COP1: variants seen among roughly 807,000 people sequenced by gnomAD.
COP1 encodes E3 ubiquitin-protein ligase COP1.
In COP1, 24 loss-of-function variants were observed where a neutral mutation model predicts 101.3. The observed-to-expected ratio is 0.24, with a 90% CI of 0.17 to 0.33. The LOEUF is 0.33. Among genes scored for constraint, COP1 ranks in the 10% least tolerant of loss-of-function variants. COP1 has a pLI of 1.00. For synonymous variants in COP1, 347 were observed against 341.9 expected (o/e 1.01, Z -0.17); for missense variants, 663 against 906.2 (o/e 0.73, Z 3.45).
intron 2 of COP1, among the ~76,000 whole-genome samples, chr1:176,182,044 T>C (rs1315888290): frequency 6.6e-6 from 1 of 152,190 alleles, no homozygotes; most frequent in Non-Finnish European, 1.5e-5. Flanking sequence ...AGCCCTAGCC[T>C]GTCCATTTAT....
chr1:175,982,277 A>G, intron 18 of COP1: 1 of 440,334 alleles, frequency 2.3e-6, no homozygotes, highest in Non-Finnish European at 4.6e-6. Flanking sequence ...ATATGAAATC[A>G]ACCTAAGTGC....
intron 6 of COP1, among the ~76,000 whole-genome samples, chr1:176,148,257 T>C (rs1477576515): frequency 6.6e-6 from 1 of 152,146 alleles, no homozygotes; most frequent in Non-Finnish European, 1.5e-5. Context: ...CTCTTATCTA[T>C]TTATTGTCAA....
At chr1:176,199,954 G>C (rs1049302732) in intron 1 of COP1, among the ~76,000 whole-genome samples, 1 of 152,148 alleles carries the variant, frequency 6.6e-6, no homozygotes, top group African/African-American at 2.4e-5. Flanking sequence ...AACAAAATCA[G>C]CCTCTAAATA....
At chr1:176,153,930 A>G (rs1013762046) in intron 5 of COP1, among the ~76,000 whole-genome samples, 4 of 152,248 alleles carry the variant, frequency 2.6e-5, no homozygotes, top group African/African-American at 9.6e-5. Flanking sequence ...CTTGCATCCC[A>G]AAGATAAAGC....
At chr1:176,071,748 CG>C (rs754278532) in intron 11 of COP1, among the ~76,000 whole-genome samples, 29 of 152,240 alleles carry the variant, frequency 1.9e-4, no homozygotes, top group South Asian at 8.3e-4. Context: ...GGCTTCTAGA[CG>C]TAAGTTCTAC....
chr1:176,042,917 T>A (rs1162341367), intron 14 of COP1, among the ~76,000 whole-genome samples: 1 of 147,486 alleles, frequency 6.8e-6, no homozygotes, highest in Non-Finnish European at 1.5e-5. Flanking sequence ...TAACTCCAGC[T>A]ACTCGGGAGG....
chr1:175,995,122 G>T (rs1316609825), intron 15 of COP1, among the ~76,000 whole-genome samples: 1 of 152,192 alleles, frequency 6.6e-6, no homozygotes, highest in Non-Finnish European at 1.5e-5. Context: ...CATGGAAAGT[G>T]AACAACTTGC....
At chr1:175,967,471 G>C (rs899017289) in intron 18 of COP1, among the ~76,000 whole-genome samples, 9 of 151,780 alleles carry the variant, frequency 5.9e-5, no homozygotes, top group African/African-American at 9.7e-5. Context: ...GGGTGACACA[G>C]TGAGACTCAG....
chr1:176,184,003 T>A (rs1361607724), intron 2 of COP1, among the ~76,000 whole-genome samples: 1 of 151,952 alleles, frequency 6.6e-6, no homozygotes, highest in African/African-American at 2.4e-5. Flanking sequence ...GTTCTAGAGA[T>A]CAATTGTACA....
intron 8 of COP1, among the ~76,000 whole-genome samples, chr1:176,130,571 A>T (rs1441310270): frequency 1.3e-5 from 2 of 151,764 alleles, no homozygotes; most frequent in Non-Finnish European, 1.5e-5. Flanking sequence ...ATATTTTTTT[A>T]AAAAACATAC....
intron 11 of COP1, 49 bp downstream of exon 11, chr1:176,081,103 G>C (rs942496170): frequency 2.0e-6 from 3 of 1,465,488 alleles, no homozygotes; most frequent in East Asian, 2.3e-5. Context: ...AATTCAATTA[G>C]ATTCTAGACA....
intron 8 of COP1, among the ~76,000 whole-genome samples, chr1:176,126,740 C>T (rs1458323282): frequency 6.6e-6 from 1 of 152,172 alleles, no homozygotes; most frequent in African/African-American, 2.4e-5. Flanking sequence ...GCATGAGCCA[C>T]TGCACCTGGC....
chr1:176,113,540 G>C (rs1438212561), intron 9 of COP1, among the ~76,000 whole-genome samples: 2 of 152,042 alleles, frequency 1.3e-5, no homozygotes, highest in Admixed American at 1.3e-4. Context: ...GGATTTGCTA[G>C]AAATTTCAAA....
intron 18 of COP1, chr1:175,968,440 G>T (rs771645322): frequency 1.9e-6 from 1 of 519,102 alleles, no homozygotes; most frequent in Admixed American, 1.9e-5. Context: ...GCTGTCCTAA[G>T]CCAGACAGAG....
chr1:175,948,534 A>C (rs1023757648), intron 18 of COP1, among the ~76,000 whole-genome samples: 1 of 152,262 alleles, frequency 6.6e-6, no homozygotes, highest in Non-Finnish European at 1.5e-5. Context: ...TGTATGTTAG[A>C]AAAGTTACTT....
Position 176,163,494 on chromosome 1 carries a change from T to C in COP1, c.642+321A>G, listed in dbSNP as rs548643643. 2.6e-5 allele frequency among the ~76,000 whole-genome samples: 4 copies of C among 152,342 alleles called. No homozygotes were observed. The South Asian group carries it at 8.3e-4, about 32-fold the overall frequency. The stretch of plus-strand genomic sequence containing the variant: ...CCTTGGCCTCCCAAAGTGTTGGGAT[T>C]ATAGGTGTGAGCCCAACCTCAACAG... On this transcript the variant is annotated intron_variant, in intron 4 of 19. Transcript: ENST00000367669.
intron 9 of COP1, among the ~76,000 whole-genome samples, chr1:176,104,035 T>C (rs1176892801): frequency 2.0e-5 from 3 of 152,022 alleles, no homozygotes; most frequent in Non-Finnish European, 2.9e-5. Flanking sequence ...TTAAAACATA[T>C]CATAAAGCGT....
intron 6 of COP1, among the ~76,000 whole-genome samples, chr1:176,146,260 T>C (rs1691572800): frequency 6.6e-6 from 1 of 152,146 alleles, no homozygotes; most frequent in Admixed American, 6.5e-5. Context: ...AATCTGACCA[T>C]GAAGGAAGAC....
In COP1 at chr1:176,125,385, C is replaced by CT. The variant is rs566898629; in HGVS notation, c.969-8705dup. Among the ~76,000 whole-genome samples, 14 of 152,212 alleles carry CT rather than the reference C, an allele frequency of 9.2e-5. No homozygotes were observed. In the East Asian group the frequency reaches 2.7e-3, roughly 29 times the overall value. ...GTTTCACAGTTTGAGGCCTTTAAGTCTTTAATCCACTTTGATGTGATCTTT... is the reference window on the plus strand; with the variant it reads ...GTTTCACAGTTTGAGGCCTTTAAGTCTTTTAATCCACTTTGATGTGATCTTT... On this transcript the variant is annotated intron_variant, in intron 8 of 19. Transcript: ENST00000367669.
Sources: allele counts gnomAD v4.1 joint callset (sites outside exome capture counted in the v4.1 genomes callset), GRCh38; gene constraint gnomAD v4.1.1; transcripts MANE v1.5; gene names NCBI Gene and HGNC (gene_info 2026-07-23, HGNC 2026-07-21).